The following HORMAD1 variants were observed in gnomAD, a reference collection of about 807,000 sequenced individuals.
HORMAD1 encodes HORMA domain-containing protein 1.
HORMAD1 carries 33 observed loss-of-function variants against 58.2 expected under a neutral mutation model. The ratio of observed to expected loss-of-function variants is 0.57; its 90% CI spans 0.43 to 0.76. The LOEUF (loss-of-function observed/expected upper bound fraction) is 0.76. Ranked by LOEUF, HORMAD1 falls within the 30% of genes least tolerant of loss-of-function variation. HORMAD1 has a pLI of 0.00. For missense variants in HORMAD1, 363 were observed against 462.0 expected (o/e 0.79, Z 1.96); for synonymous variants, 137 against 144.6 (o/e 0.95, Z 0.38).
intron 14 of HORMAD1, among the ~76,000 whole-genome samples, chr1:150,699,156 G>A (rs1651459510): frequency 6.6e-6 from 1 of 152,272 alleles, no homozygotes; most frequent in East Asian, 1.9e-4. Flanking sequence ...TTTAAAAATA[G>A]TCTTAGGTTT....
At chr1:150,698,868 T>G in intron 14 of HORMAD1, 134 bp from the exon 15 acceptor site, 1 of 527,668 alleles carries the variant, frequency 1.9e-6, no homozygotes, top group Admixed American at 3.7e-5. Flanking sequence ...CATAACTATA[T>G]CTGGGTTTCT....
rs374813290 is a variant in HORMAD1 at position 150,719,518 on chromosome 1, A to C, written c.-13T>G. 4 of 1,573,676 alleles carry C rather than the reference A, an allele frequency of 2.5e-6. No individual in the cohort carries two copies. The African/African-American group carries it at 4.1e-5, about 16-fold the overall frequency. On this transcript the variant is annotated 5_prime_UTR_variant, in exon 2 of 15. Coordinates refer to ENST00000361824, the MANE Select transcript of HORMAD1 (RefSeq NM_032132.5). ...GGGCAGTGGCCATCTTCTTCTGATA[A>C]AGTATTTTCTTTAATTCAACCTTGT...
rs587693672 is a variant in HORMAD1 at position 150,714,527 on chromosome 1, T to G, written c.242+88A>C. 369 of 564,042 alleles carry G rather than the reference T, an allele frequency of 6.5e-4. 2 individuals are homozygous for G. The highest frequency in any genetic ancestry group is 3.5e-4 in the Non-Finnish European group (118 of 337,646). 34.9% of individuals were successfully genotyped at this position (564,042 alleles called of 1,614,324 possible). A position where few individuals can be genotyped will look rare whatever the true frequency, so the allele number is the denominator to read the frequency against. The stretch of plus-strand genomic sequence containing the variant: ...GCATTAAAGGGTGATTCACTAAAAT[T>G]TGGTTAAACACCAAAGGTATCCAAG... On this transcript the variant is annotated intron_variant, in intron 4 of 14. Coordinates refer to ENST00000361824, the MANE Select transcript of HORMAD1 (RefSeq NM_032132.5).
At chr1:150,714,751 T>A in intron 3 of HORMAD1, 73 bp from the exon 4 acceptor site, 1 of 660,792 alleles carries the variant, frequency 1.5e-6, no homozygotes, top group Non-Finnish European at 2.5e-6. Context: ...ATGAAGTTTA[T>A]TTTCTTCTGC....
At chr1:150,716,954 CA>C (rs61024265) in intron 3 of HORMAD1, among the ~76,000 whole-genome samples, 183 bp downstream of exon 3, 4,699 of 90,806 alleles carry the variant, frequency 0.052, 158 homozygotes, top group African/African-American at 0.17. Context: ...GACCCCGTCT[CA>C]AAAAAAAAAA....
chr1:150,706,891 C>T (rs1420537931), intron 9 of HORMAD1, 82 bp from the exon 10 acceptor site: 6 of 1,180,158 alleles, frequency 5.1e-6, no homozygotes, highest in Non-Finnish European at 7.0e-6. Context: ...ACGCAGATTG[C>T]AGGTATTTCA....
At chr1:150,719,402 G>C in intron 2 of HORMAD1, 71 bp downstream of exon 2, 2 of 917,526 alleles carry the variant, frequency 2.2e-6, no homozygotes, top group Non-Finnish European at 3.4e-6. Flanking sequence ...ACTTCCAACA[G>C]AGTATTTGAG....
rs1359398949 is a variant in HORMAD1 at position 150,706,642 on chromosome 1, T to C, written c.715A>G (p.Thr239Ala). The C allele has an allele frequency of 1.9e-6, 3 of 1,613,614 alleles. No individual in the cohort carries two copies. The African/African-American group carries it at 4.0e-5, about 22-fold the overall frequency. The change falls in exon 10 of 15, where the codon ACT becomes GCT. Residue 239 changes from threonine (T) to alanine (A), a missense_variant. Physicochemically the swap from Thr to Ala is moderately conservative, Grantham distance 58. This residue lies in a region of HORMAD1 where 226 missense variants were observed against 257.8 expected (regional missense o/e 0.88). Transcript: ENST00000361824. ...ERERMENIDS[T>A]ILSPKQIKTP... ...TTTATTTGTTTTGGTGATAGTATAG[T>C]TGAGTCAATATTTTCCATTCGTTCT...
intron 13 of HORMAD1, among the ~76,000 whole-genome samples, chr1:150,700,867 T>C (rs1387256402): frequency 2.0e-5 from 3 of 152,208 alleles, no homozygotes; most frequent in African/African-American, 7.2e-5. Context: ...TGTTGATGTA[T>C]ATTTAGGTTT....
At chr1:150,698,843 G>T in intron 14 of HORMAD1, 109 bp from the exon 15 acceptor site, 1 of 630,992 alleles carries the variant, frequency 1.6e-6, no homozygotes, top group Non-Finnish European at 2.7e-6. Flanking sequence ...AAAAATTTAT[G>T]CCTAGCATAC....
intron 9 of HORMAD1, 52 bp from the exon 10 acceptor site, chr1:150,706,861 AATT>A (rs1339278697): frequency 7.7e-6 from 11 of 1,432,650 alleles, no homozygotes; most frequent in Admixed American, 2.3e-5. Context: ...AAGAAAATAT[AATT>A]ATTATTATAA....
At chr1:150,700,820 A>G (rs1263835631) in intron 13 of HORMAD1, among the ~76,000 whole-genome samples, 1 of 152,108 alleles carries the variant, frequency 6.6e-6, no homozygotes, top group Admixed American at 6.5e-5. Context: ...CTGATATTCA[A>G]TTGTATGAAT....
intron 8 of HORMAD1, among the ~76,000 whole-genome samples, chr1:150,708,610 C>T (rs1172563464): frequency 1.3e-5 from 2 of 152,024 alleles, no homozygotes; most frequent in Non-Finnish European, 2.9e-5. Flanking sequence ...TACTTAAGTG[C>T]ATTTTATATG....
At chr1:150,717,398 C>A (rs1652113342) in intron 2 of HORMAD1, 116 bp from the exon 3 acceptor site, 5 of 534,598 alleles carry the variant, frequency 9.4e-6, no homozygotes, top group Middle Eastern at 1.1e-3. Flanking sequence ...AGAATTCCTC[C>A]CTATATTGGT....
intron 10 of HORMAD1, among the ~76,000 whole-genome samples, chr1:150,704,659 C>T (rs1249727676): frequency 6.6e-6 from 1 of 151,936 alleles, no homozygotes; most frequent in African/African-American, 2.4e-5. Context: ...ATCGCTTGAG[C>T]CCAGAAGTTT....
chr1:150,701,487 T>C (rs763229548), intron 13 of HORMAD1, among the ~76,000 whole-genome samples: 3 of 152,170 alleles, frequency 2.0e-5, no homozygotes, highest in Non-Finnish European at 4.4e-5. Context: ...AAACAAACCT[T>C]GAGGCATTTG....
At position 150,698,169 on chromosome 1, in the gene HORMAD1, A is replaced by G. The variant is rs1276793969; in HGVS notation, c.*485T>C. 1 of 152,240 alleles carries G rather than the reference A, an allele frequency of 6.6e-6. No individual in the cohort carries two copies. The highest frequency in any genetic ancestry group is 1.5e-5 in the Non-Finnish European group (1 of 68,058). The allele number at this position is 152,240 out of a possible 1,614,324, so 9.4% of individuals were successfully genotyped here. ...GTAAAGGTAAAGCACCAATTCTTAA[A>G]TTGTACATTATATATTAAAATGTTA... On this transcript the variant is annotated 3_prime_UTR_variant, in exon 15 of 15. Coordinates refer to ENST00000361824, the MANE Select transcript of HORMAD1 (RefSeq NM_032132.5).
chr1:150,699,521 G>C (rs888240963), intron 14 of HORMAD1, among the ~76,000 whole-genome samples: 3 of 150,916 alleles, frequency 2.0e-5, no homozygotes, highest in African/African-American at 4.9e-5. Context: ...TATTTTTCCT[G>C]GCACTGATTT....
chr1:150,707,141 C>T (rs921931254), intron 9 of HORMAD1, among the ~76,000 whole-genome samples: 4 of 152,172 alleles, frequency 2.6e-5, no homozygotes, highest in African/African-American at 9.6e-5. Flanking sequence ...GAGAAGAGAA[C>T]TGGCACATAG....
Sources: allele counts gnomAD v4.1 joint callset (sites outside exome capture counted in the v4.1 genomes callset), GRCh38; gene constraint gnomAD v4.1.1; regional missense constraint gnomAD v4.1.1; transcripts MANE v1.5; gene names NCBI Gene and HGNC (gene_info 2026-07-23, HGNC 2026-07-21).